Variants in GMDS observed in about 807,000 individuals in gnomAD.
The protein encoded by GMDS is GDP-mannose 4,6 dehydratase.
GMDS carries 20 observed loss-of-function variants against 49.9 expected under a neutral mutation model. The ratio of observed to expected loss-of-function variants is 0.40; its 90% confidence interval spans 0.28 to 0.58. The LOEUF (loss-of-function observed/expected upper bound fraction) is 0.58. Ranked by LOEUF, GMDS falls within the 20% of genes least tolerant of loss-of-function variation. The pLI is 0.42. For synonymous variants in GMDS, 177 were observed against 178.6 expected (o/e 0.99, Z 0.07); for missense variants, 362 against 481.4 (o/e 0.75, Z 2.32).
chr6:1,693,639 C>T (rs903222694), intron 9 of GMDS, among the ~76,000 whole-genome samples: 11 of 152,180 alleles, frequency 7.2e-5, no homozygotes, highest in Non-Finnish European at 1.3e-4. Context: ...GTCCCTGTCA[C>T]TCCATCTTGG....
chr6:2,172,641 G>A (rs9503114), intron 1 of GMDS, among the ~76,000 whole-genome samples: 19 of 152,018 alleles, frequency 1.2e-4, no homozygotes, highest in Admixed American at 2.0e-4. Flanking sequence ...GCAGTGAGCC[G>A]AGATCGCGCC....
At chr6:2,114,072 T>C (rs548212777) in intron 4 of GMDS, among the ~76,000 whole-genome samples, 129 of 152,238 alleles carry the variant, frequency 8.5e-4, no homozygotes, top group Non-Finnish European at 1.4e-3. Context: ...CTATAACATA[T>C]TTCTGAACTA....
At chr6:1,818,373 C>T (rs1162215905) in intron 7 of GMDS, among the ~76,000 whole-genome samples, 26 of 151,910 alleles carry the variant, frequency 1.7e-4, no homozygotes, top group Admixed American at 1.6e-3. Context: ...TTTGGGAGGC[C>T]GAGGCGGGTG....
chr6:1,730,702 G>C (rs1766765477), intron 8 of GMDS, among the ~76,000 whole-genome samples: 1 of 152,106 alleles, frequency 6.6e-6, no homozygotes, highest in African/African-American at 2.4e-5. Context: ...TGAGGACACT[G>C]GGGAGGCTCC....
intron 1 of GMDS, among the ~76,000 whole-genome samples, chr6:2,202,129 G>A (rs1389366840): frequency 6.9e-6 from 1 of 144,786 alleles, no homozygotes; most frequent in Non-Finnish European, 1.5e-5. Context: ...AGGCAGTGAG[G>A]GCAGCATGTT....
chr6:2,020,204 A>C (rs895074410), intron 4 of GMDS, among the ~76,000 whole-genome samples: 5 of 152,306 alleles, frequency 3.3e-5, no homozygotes, highest in Admixed American at 2.6e-4. Flanking sequence ...ATAATATTTT[A>C]AGGCTAGCCT....
chr6:2,006,114 G>A (rs557910176), intron 4 of GMDS, among the ~76,000 whole-genome samples: 2 of 152,070 alleles, frequency 1.3e-5, no homozygotes, highest in South Asian at 4.2e-4. Flanking sequence ...CATTCACTCA[G>A]TGGCACCAAC....
intron 4 of GMDS, among the ~76,000 whole-genome samples, chr6:2,108,095 A>G (rs1774343192): frequency 6.6e-6 from 1 of 152,214 alleles, no homozygotes; most frequent in Non-Finnish European, 1.5e-5. Context: ...CAGAGACCCA[A>G]TATGAAGTTA....
chr6:2,047,770 T>C (rs1171575834), intron 4 of GMDS, among the ~76,000 whole-genome samples: 1 of 152,208 alleles, frequency 6.6e-6, no homozygotes, highest in Non-Finnish European at 1.5e-5. Context: ...ATTACAGGCA[T>C]GAGCCACTGC....
intron 7 of GMDS, among the ~76,000 whole-genome samples, chr6:1,928,151 G>T (rs2113922136): frequency 6.6e-6 from 1 of 152,268 alleles, no homozygotes; most frequent in Middle Eastern, 3.4e-3. Flanking sequence ...TGGATCATGA[G>T]GTCAACAGAT....
chr6:1,799,865 C>A (rs572005565), intron 7 of GMDS, among the ~76,000 whole-genome samples: 32 of 152,320 alleles, frequency 2.1e-4, no homozygotes, highest in Admixed American at 1.1e-3. Flanking sequence ...AACTCAACCA[C>A]TACTTCAAAT....
At chr6:1,986,511 G>C (rs1396420244) in intron 4 of GMDS, among the ~76,000 whole-genome samples, 2 of 152,152 alleles carry the variant, frequency 1.3e-5, no homozygotes, top group East Asian at 3.8e-4. Context: ...AAATACCTAA[G>C]AAAGTTGTCT....
chr6:2,098,210 C>G (rs1025728532), intron 4 of GMDS, among the ~76,000 whole-genome samples: 6 of 152,156 alleles, frequency 3.9e-5, no homozygotes, highest in African/African-American at 1.2e-4. Flanking sequence ...AGGTGCCCAC[C>G]ACCACACCCG....
chr6:2,187,045 A>G (rs938810558), intron 1 of GMDS, among the ~76,000 whole-genome samples: 1 of 152,190 alleles, frequency 6.6e-6, no homozygotes, highest in South Asian at 2.1e-4. Flanking sequence ...CGTATTTCCT[A>G]TTTTCCTCTA....
chr6:2,157,865 C>T (rs1266900166), intron 1 of GMDS, among the ~76,000 whole-genome samples: 1 of 152,210 alleles, frequency 6.6e-6, no homozygotes, highest in Admixed American at 6.5e-5. Flanking sequence ...TTCCTTCATT[C>T]CTCAAGGGTA....
At chr6:1,901,145 G>C (rs1349551751) in intron 7 of GMDS, among the ~76,000 whole-genome samples, 2 of 152,192 alleles carry the variant, frequency 1.3e-5, no homozygotes, top group African/African-American at 4.8e-5. Context: ...CCCTGGTTCC[G>C]TGGCTCCCGG....
At chr6:1,995,886 ACTT>A (rs34655912) in intron 4 of GMDS, among the ~76,000 whole-genome samples, 65,171 of 151,410 alleles carry the variant, frequency 0.43, 14,425 homozygotes, top group African/African-American at 0.54. Context: ...GGTGATCTCT[ACTT>A]CTTTGTTTAA....
intron 7 of GMDS, among the ~76,000 whole-genome samples, chr6:1,834,152 C>T (rs181264590): frequency 1.1e-3 from 161 of 152,212 alleles, no homozygotes; most frequent in African/African-American, 3.8e-3. Context: ...GAAATTAAAA[C>T]AGATGATATT....
intron 1 of GMDS, among the ~76,000 whole-genome samples, chr6:2,167,336 T>C (rs1777717345): frequency 6.6e-6 from 1 of 152,160 alleles, no homozygotes; most frequent in Non-Finnish European, 1.5e-5. Flanking sequence ...ACCCATTTTC[T>C]TTGTTTTATC....
Sources: allele counts gnomAD v4.1 joint callset (sites outside exome capture counted in the v4.1 genomes callset), GRCh38; gene constraint gnomAD v4.1.1; transcripts MANE v1.5; gene names NCBI Gene and HGNC (gene_info 2026-07-23, HGNC 2026-07-21).